Variants in TBCK observed in about 807,000 individuals in gnomAD.
TBCK encodes the protein TBC1 domain containing kinase.
Under a neutral mutation model 113.4 loss-of-function variants are expected in TBCK, and 99 were observed. The observed-to-expected ratio is 0.87, with a 90% CI of 0.74 to 1.03. TBCK has a LOEUF of 1.03. Ranked by LOEUF, TBCK falls within the 50% of genes least tolerant of loss-of-function variation. The pLI, the probability that TBCK is intolerant of heterozygous loss-of-function variation, is 0.00. For synonymous variants in TBCK, 369 were observed against 370.8 expected (o/e 1.00, Z 0.05); for missense variants, 1,045 against 1,061.3 (o/e 0.98, Z 0.21).
intron 23 of TBCK, among the ~76,000 whole-genome samples, chr4:106,162,167 T>C (rs1208841595): frequency 6.6e-6 from 1 of 152,138 alleles, no homozygotes; most frequent in African/African-American, 2.4e-5. Flanking sequence ...ACAGGCCTCA[T>C]GCAAGTCCAA....
intron 22 of TBCK, among the ~76,000 whole-genome samples, chr4:106,182,778 T>C (rs899672384): frequency 6.6e-6 from 1 of 152,022 alleles, no homozygotes; most frequent in Non-Finnish European, 1.5e-5. Context: ...GGGAATAAAA[T>C]ATGCATATTA....
chr4:106,116,812 C>T (rs1013117413), intron 23 of TBCK, among the ~76,000 whole-genome samples: 4 of 151,912 alleles, frequency 2.6e-5, no homozygotes, highest in African/African-American at 7.3e-5. Context: ...TCTCCCATCA[C>T]CTCTAGATAG....
intron 20 of TBCK, among the ~76,000 whole-genome samples, chr4:106,207,202 C>T (rs1430140558): frequency 6.6e-6 from 1 of 152,144 alleles, no homozygotes; most frequent in Non-Finnish European, 1.5e-5. Context: ...ATAATCTAGG[C>T]ATCACATCAG....
chr4:106,171,227 A>G lies in TBCK; in HGVS notation c.2103T>C (p.Phe701=), dbSNP rs900205245. 1.9e-6 allele frequency: 3 copies of G among 1,611,758 alleles called. No homozygotes were observed. The change falls in exon 23 of 26, where the codon TTT becomes TTC. Residue 701 remains phenylalanine, a synonymous_variant. Coordinates refer to ENST00000394708, the MANE Select transcript of TBCK (RefSeq NM_001163435.3). ...ERCVRESINL[F]CWTPKSATYR... is the part of the protein sequence containing the mutation. ...AAGTAGCACTTTTAGGAGTCCAACA[A>G]AACAGGTTGATAGATTCTCTCACAC... is the stretch of plus-strand genomic sequence containing the variant.
chr4:106,211,197 T>C (rs916816441), intron 20 of TBCK, among the ~76,000 whole-genome samples: 1 of 152,186 alleles, frequency 6.6e-6, no homozygotes, highest in South Asian at 2.1e-4. Flanking sequence ...AAATTTTAAA[T>C]ACTTAATATT....
intron 2 of TBCK, among the ~76,000 whole-genome samples, chr4:106,303,648 G>T (rs1388968347): frequency 1.3e-5 from 2 of 152,102 alleles, no homozygotes; most frequent in Non-Finnish European, 2.9e-5. Context: ...AGGACTTAGG[G>T]TCAGACAACC....
At chr4:106,223,298 G>C (rs564290512) in intron 19 of TBCK, among the ~76,000 whole-genome samples, 3 of 152,234 alleles carry the variant, frequency 2.0e-5, no homozygotes, top group Admixed American at 2.0e-4. Flanking sequence ...AGTTTGGTGG[G>C]AAAGAAGAGT....
chr4:106,088,027 T>C (rs1739717205), intron 25 of TBCK, among the ~76,000 whole-genome samples: 1 of 152,170 alleles, frequency 6.6e-6, no homozygotes. Context: ...GCAATAGCAT[T>C]CACACATAGG....
chr4:106,154,692 A>G (rs887453057), intron 23 of TBCK, among the ~76,000 whole-genome samples: 2 of 152,106 alleles, frequency 1.3e-5, no homozygotes, highest in African/African-American at 4.8e-5. Context: ...CATGAGAAAA[A>G]TTTCCTTGAG....
intron 23 of TBCK, among the ~76,000 whole-genome samples, chr4:106,134,773 A>G (rs956623851): frequency 6.6e-6 from 1 of 152,232 alleles, no homozygotes; most frequent in Non-Finnish European, 1.5e-5. Flanking sequence ...AGCAGAAGAC[A>G]TTAATTTACC....
At chr4:106,300,114 G>A (rs571936067) in intron 2 of TBCK, among the ~76,000 whole-genome samples, 1 of 152,160 alleles carries the variant, frequency 6.6e-6, no homozygotes, top group African/African-American at 2.4e-5. Context: ...GAGTTTCCTT[G>A]CACAAGTTCT....
At position 106,127,355 on chromosome 4, in the gene TBCK, A is replaced by G. The variant is rs556501965; in HGVS notation, c.2236-10977T>C. Among the ~76,000 whole-genome samples, 3 of 152,258 alleles carry G rather than the reference A, an allele frequency of 2.0e-5. No individual in the cohort carries two copies. In the South Asian group the frequency reaches 6.2e-4, roughly 32 times the overall value. ...AAAACAGACAAATATTAGTGTTGAC[A>G]TTTTGGGGTAAACAAAGTTCAAAAA... On this transcript the variant is annotated intron_variant, in intron 23 of 25. Coordinates refer to ENST00000394708, the MANE Select transcript of TBCK (RefSeq NM_001163435.3).
intron 23 of TBCK, among the ~76,000 whole-genome samples, chr4:106,155,476 C>T (rs1749015928): frequency 6.6e-6 from 1 of 152,112 alleles, no homozygotes; most frequent in East Asian, 1.9e-4. Context: ...CTTTCTATCC[C>T]TATCTGTGTT....
At chr4:106,228,911 T>C (rs1238386289) in intron 19 of TBCK, among the ~76,000 whole-genome samples, 1 of 152,050 alleles carries the variant, frequency 6.6e-6, no homozygotes, top group Non-Finnish European at 1.5e-5. Flanking sequence ...CATTTGTTAT[T>C]GCCTATCTTT....
At chr4:106,245,854 A>G (rs533457224) in intron 10 of TBCK, among the ~76,000 whole-genome samples, 24 of 152,224 alleles carry the variant, frequency 1.6e-4, no homozygotes, top group Admixed American at 3.9e-4. Context: ...TTTTTTCCCT[A>G]TAAGTAGCCC....
intron 19 of TBCK, among the ~76,000 whole-genome samples, chr4:106,221,222 T>A (rs1012377463): frequency 1.3e-5 from 2 of 152,128 alleles, no homozygotes. Flanking sequence ...TGACCTCAGG[T>A]GATCTGCCCG....
chr4:106,139,562 A>AAGCTATATTCTGT (rs1383374743), intron 23 of TBCK, among the ~76,000 whole-genome samples: 1 of 141,318 alleles, frequency 7.1e-6, no homozygotes, highest in Non-Finnish European at 1.6e-5. Context: ...ATAGCTACAG[A>AAGCTATATTCTGT]AGCATCAATG....
At chr4:106,074,180 C>A (rs2149481986) in intron 25 of TBCK, among the ~76,000 whole-genome samples, 1 of 152,274 alleles carries the variant, frequency 6.6e-6, no homozygotes, top group Admixed American at 6.5e-5. Flanking sequence ...CAGAAATCAC[C>A]TGTCTTCTTC....
At chr4:106,220,609 A>AT (rs1314943187) in intron 19 of TBCK, among the ~76,000 whole-genome samples, 3 of 152,068 alleles carry the variant, frequency 2.0e-5, no homozygotes, top group African/African-American at 7.2e-5. Context: ...CCCATGCTGG[A>AT]TTTAAAAAAA....
Sources: gnomAD v4.1 joint callset for allele counts (sites outside exome capture counted in the v4.1 genomes callset) on GRCh38, gnomAD v4.1.1 for gene constraint, MANE v1.5 for transcripts, NCBI Gene and HGNC (gene_info 2026-07-23, HGNC 2026-07-21) for gene names.